Variants in WRN observed in about 807,000 individuals in gnomAD.
WRN encodes the protein bifunctional 3'-5' exonuclease/ATP-dependent helicase WRN.
A neutral mutation model predicts 180.7 loss-of-function variants in WRN; 149 were observed. That is an observed-to-expected ratio of 0.82 (90% confidence interval 0.72 to 0.94). WRN has a LOEUF of 0.94. WRN is among the 40% of genes least tolerant of loss of function. The pLI, the probability that WRN is intolerant of heterozygous loss-of-function variation, is 0.00. For missense variants in WRN, 1,661 were observed against 1,700.1 expected (o/e 0.98, Z 0.40); for synonymous variants, 548 against 568.9 (o/e 0.96, Z 0.52).
intron 31 of WRN, 90 bp downstream of exon 31, chr8:31,150,545 C>A: frequency 9.0e-7 from 1 of 1,105,034 alleles, no homozygotes; most frequent in Non-Finnish European, 1.4e-6. Flanking sequence ...CATTTGCTCA[C>A]TTTATTTGCA....
chr8:31,061,846 A>G (rs1001922238), intron 3 of WRN, among the ~76,000 whole-genome samples: 1 of 152,096 alleles, frequency 6.6e-6, no homozygotes, highest in Admixed American at 6.6e-5. Context: ...CATTCAGCTT[A>G]TGGTTGTTTG....
At chr8:31,101,787 CAAAAAAAAAAA>C (rs60342321) in intron 18 of WRN, among the ~76,000 whole-genome samples, 2 of 42,056 alleles carry the variant, frequency 4.8e-5, no homozygotes, top group Non-Finnish European at 9.4e-5. Context: ...AACTCTGTCT[CAAAAAAAAAAA>C]AAAAAAAAAA....
At chr8:31,076,327 C>G in intron 8 of WRN, 40 bp downstream of exon 8, 1 of 1,501,296 alleles carries the variant, frequency 6.7e-7, no homozygotes. Flanking sequence ...TAAATCAATT[C>G]TGTTTATTTT....
At chr8:31,118,995 TAATTAA>T (rs1433985699) in intron 20 of WRN, among the ~76,000 whole-genome samples, 2 of 152,054 alleles carry the variant, frequency 1.3e-5, no homozygotes, top group South Asian at 2.1e-4. Context: ...TAATACCATA[TAATTAA>T]AATTAGAATT....
Position 31,081,167 on chromosome 8 carries a change from C to G in WRN, c.1140C>G (p.Asp380Glu), listed in dbSNP as rs1417624681. 2 of 1,613,880 alleles carry G rather than the reference C, an allele frequency of 1.2e-6. No individual in the cohort carries two copies. The highest frequency in any genetic ancestry group is 4.5e-5 in the East Asian group (2 of 44,824). ...ATGGATTTGAAGATGGAGTAGAAGA[C>G]AACAAATTGAAAGAGAATATGGAAA... is the stretch of plus-strand genomic sequence containing the variant. The part of the protein sequence containing the change: ...KEDGFEDGVE[D>E]NKLKENMERA... Residue 380 changes from aspartate to glutamate, a missense_variant, in exon 9 of 35, where the codon GAC becomes GAG. Asp to Glu is a conservative substitution (Grantham distance 45). Transcript: ENST00000298139.
chr8:31,111,045 CTATATATAG>C (rs1328239052), intron 18 of WRN, among the ~76,000 whole-genome samples: 1 of 151,924 alleles, frequency 6.6e-6, no homozygotes, highest in Non-Finnish European at 1.5e-5. Flanking sequence ...TACATATTTC[CTATATATAG>C]TATGTTATTG....
chr8:31,135,000 C>G (rs938353653), intron 24 of WRN, among the ~76,000 whole-genome samples: 1 of 151,892 alleles, frequency 6.6e-6, no homozygotes, highest in Non-Finnish European at 1.5e-5. Context: ...GGAAAAAGCA[C>G]CCCCGTCCTC....
At chr8:31,145,223 C>A (rs760295986) in intron 28 of WRN, among the ~76,000 whole-genome samples, 3 of 152,222 alleles carry the variant, frequency 2.0e-5, no homozygotes, top group African/African-American at 7.2e-5. Context: ...CTAGTACTTT[C>A]ATAGCTAGAG....
rs1203662908 is a variant in WRN, at chr8:31,154,560, A to G, written c.3688-64A>G. 6 of 1,523,202 alleles carry G rather than the reference A, an allele frequency of 3.9e-6. No homozygotes were observed. In the East Asian group the frequency reaches 7.4e-5, roughly 19 times the overall value. The allele number at this position is 1,523,202 out of a possible 1,614,324, so 94.4% of individuals were successfully genotyped here. A position where few individuals can be genotyped will look rare whatever the true frequency, so the allele number is the denominator to read the frequency against. ...ATTTTTTTCTTAATGGCTAATTATCATACATATATTCTATTATTGTATTGA... is the reference window on the plus strand; with the variant it reads ...ATTTTTTTCTTAATGGCTAATTATCGTACATATATTCTATTATTGTATTGA... On this transcript the variant is annotated intron_variant, in intron 31 of 34. Coordinates refer to ENST00000298139, the MANE Select transcript of WRN (RefSeq NM_000553.6).
intron 24 of WRN, among the ~76,000 whole-genome samples, chr8:31,132,795 G>C (rs994886495): frequency 1.3e-5 from 2 of 152,214 alleles, no homozygotes; most frequent in African/African-American, 4.8e-5. Flanking sequence ...CCCTAGACTA[G>C]TCTTGCTTAG....
At chr8:31,052,339 T>A (rs1812107130) in intron 1 of WRN, among the ~76,000 whole-genome samples, 1 of 151,782 alleles carries the variant, frequency 6.6e-6, no homozygotes, top group South Asian at 2.1e-4. Context: ...TTGGTATACA[T>A]TGCTCCAGAC....
intron 34 of WRN, among the ~76,000 whole-genome samples, chr8:31,168,272 T>G (rs1803975496): frequency 6.6e-6 from 1 of 152,118 alleles, no homozygotes; most frequent in African/African-American, 2.4e-5. Flanking sequence ...GAAATTTAGC[T>G]TCTAATGCTC....
intron 32 of WRN, 91 bp from the exon 33 acceptor site, chr8:31,157,277 A>C (rs956464775): frequency 5.1e-6 from 8 of 1,558,750 alleles, no homozygotes; most frequent in Non-Finnish European, 6.1e-6. Flanking sequence ...CACACTGAGC[A>C]TTTACTACCT....
At chr8:31,097,248 T>C (rs934282548) in intron 17 of WRN, among the ~76,000 whole-genome samples, 3 of 152,216 alleles carry the variant, frequency 2.0e-5, no homozygotes, top group African/African-American at 7.2e-5. Flanking sequence ...TCATGTTCTG[T>C]ATCTAAATTA....
At chr8:31,034,021 A>G (rs1015570461) in intron 1 of WRN, 48 bp downstream of exon 1, 2 of 152,216 alleles carry the variant, frequency 1.3e-5, no homozygotes, top group African/African-American at 4.8e-5. Flanking sequence ...GCCCCGGGGT[A>G]TCTATAGTGC....
chr8:31,080,062 G>A (rs1813239922), intron 8 of WRN, among the ~76,000 whole-genome samples: 1 of 152,098 alleles, frequency 6.6e-6, no homozygotes, highest in Non-Finnish European at 1.5e-5. Context: ...TGTATTTTTA[G>A]TAGAGACAGG....
intron 3 of WRN, among the ~76,000 whole-genome samples, chr8:31,061,457 TTTTC>T (rs1031244486): frequency 2.6e-5 from 4 of 152,082 alleles, no homozygotes; most frequent in Admixed American, 1.3e-4. Flanking sequence ...TCTAGGGTTT[TTTTC>T]TTTCTATTGG....
In WRN at chr8:31,142,659, T is replaced by C. The variant is rs1563377374; in HGVS notation, c.3267T>C (p.His1089=). The change falls in exon 27 of 35, where the codon CAT becomes CAC. Residue 1089 remains histidine (H), a synonymous_variant. Coordinates refer to ENST00000298139, the MANE Select transcript of WRN (RefSeq NM_000553.6). ...SKTVSSGTKE[H]CYNQVPVELS... is the part of the protein sequence containing the mutation. ...CTGTATCTTCGGGCACCAAAGAGCATTGTTATAATCAAGTACCAGTTGAAT... is the reference window on the plus strand; with the variant it reads ...CTGTATCTTCGGGCACCAAAGAGCACTGTTATAATCAAGTACCAGTTGAAT... The C allele has an allele frequency of 3.1e-6, 5 of 1,604,766 alleles. 1 individual carries two copies. In the African/African-American group the frequency reaches 5.3e-5, roughly 17 times the overall value.
intron 34 of WRN, among the ~76,000 whole-genome samples, chr8:31,170,008 T>G (rs1385117089): frequency 6.6e-6 from 1 of 152,170 alleles, no homozygotes; most frequent in Non-Finnish European, 1.5e-5. Flanking sequence ...GTCTTTCCAG[T>G]GTATGCCTGT....
Sources: allele counts gnomAD v4.1 joint callset (sites outside exome capture counted in the v4.1 genomes callset), GRCh38; gene constraint gnomAD v4.1.1; transcripts MANE v1.5; gene names NCBI Gene and HGNC (gene_info 2026-07-23, HGNC 2026-07-21).